Variants in YBX3 observed in about 807,000 individuals in gnomAD.
The protein encoded by YBX3 is Y-box-binding protein 3.
A neutral mutation model predicts 42.4 loss-of-function variants in YBX3; 29 were observed. The observed-to-expected ratio is 0.68, with a 90% CI of 0.51 to 0.93. The LOEUF is 0.93. Ranked by LOEUF, YBX3 falls within the 40% of genes least tolerant of loss-of-function variation. The pLI is 0.00. For missense variants in YBX3, 517 were observed against 527.5 expected (o/e 0.98, Z 0.19); for synonymous variants, 195 against 189.8 (o/e 1.03, Z -0.22).
intron 4 of YBX3, among the ~76,000 whole-genome samples, chr12:10,713,669 A>G (rs908562788): frequency 6.6e-6 from 1 of 152,238 alleles, no homozygotes; most frequent in East Asian, 1.9e-4. Flanking sequence ...ATATTCCTCA[A>G]TGGGAAAGAC....
chr12:10,710,059 G>A lies in YBX3; in HGVS notation c.629C>T (p.Pro210Leu). ...CCCAGAGAACTGCCTATCAGTGGCA[G>A]GGGGGTCAAATCCTTCACTGCTGCC... ...GSGSSEGFDP[P>L]ATDRQFSGAR... is the part of the protein sequence containing the mutation. The change falls in exon 6 of 10, where the codon CCT (proline) becomes CTT (leucine). Residue 210 changes from proline to leucine, a missense_variant. By Grantham distance (98) the Pro-to-Leu change is moderately conservative. This residue lies in a region of YBX3 where 420 missense variants were observed against 408.5 expected (regional missense o/e 1.03). Coordinates refer to ENST00000228251, the MANE Select transcript of YBX3 (RefSeq NM_003651.5). 1 of 1,614,018 alleles carries A rather than the reference G, an allele frequency of 6.2e-7. No homozygotes were observed. The highest frequency in any genetic ancestry group is 1.1e-5 in the South Asian group (1 of 91,056).
At chr12:10,713,426 G>T in intron 4 of YBX3, 93 bp from the exon 5 acceptor site, 1 of 1,404,438 alleles carries the variant, frequency 7.1e-7, no homozygotes, top group African/African-American at 1.4e-5. Context: ...AAGACTGGCA[G>T]AACATACTAA....
In YBX3 at chr12:10,699,790, G is replaced by C. The variant is rs140214620; in HGVS notation, c.*35-136C>G. 1.6e-3 allele frequency: 247 copies of C among 152,552 alleles called. 1 individual carries two copies. Among genetic ancestry groups the C allele is most frequent in the African/African-American group, 5.6e-3 (232 of 41,526 alleles). 9.4% of individuals were successfully genotyped at this position (152,552 alleles called of 1,614,324 possible). A position where few individuals can be genotyped will look rare whatever the true frequency, so the allele number is the denominator to read the frequency against. ...AATGCTCTAAATACAATCACATCTTGTATAGATCTGTAAGCTATATGTTAA... is the reference window on the plus strand; with the variant it reads ...AATGCTCTAAATACAATCACATCTTCTATAGATCTGTAAGCTATATGTTAA... On this transcript the variant is annotated intron_variant, in intron 9 of 9. Coordinates refer to ENST00000228251, the MANE Select transcript of YBX3 (RefSeq NM_003651.5).
chr12:10,715,615 A>AT (rs1948251842), intron 4 of YBX3, 79 bp downstream of exon 4: 1 of 1,297,532 alleles, frequency 7.7e-7, no homozygotes, highest in South Asian at 1.2e-5. Context: ...ATGTCAATTC[A>AT]TAAGGGGCTG....
intron 3 of YBX3, among the ~76,000 whole-genome samples, chr12:10,716,681 A>C (rs1276707366): frequency 6.6e-6 from 1 of 152,186 alleles, no homozygotes; most frequent in African/African-American, 2.4e-5. Flanking sequence ...AAAGCGATTA[A>C]GCATGTGTAA....
intron 1 of YBX3, among the ~76,000 whole-genome samples, chr12:10,721,411 CATT>C (rs1218723322): frequency 2.6e-5 from 4 of 152,194 alleles, no homozygotes; most frequent in Non-Finnish European, 5.9e-5. Flanking sequence ...AATAAGGTAT[CATT>C]AACAATGTTA....
chr12:10,711,718 T>C (rs940818275), intron 5 of YBX3: 4 of 152,242 alleles, frequency 2.6e-5, no homozygotes, highest in Admixed American at 6.5e-5. Flanking sequence ...AGCTCATTTA[T>C]GTATACTTTA....
chr12:10,703,825 T>G (rs1372235347), intron 7 of YBX3: 1 of 492,726 alleles, frequency 2.0e-6, no homozygotes, highest in East Asian at 3.4e-5. Context: ...TACATCTTAT[T>G]ATAATTCCAG....
At chr12:10,719,220 C>A in intron 1 of YBX3, 77 bp from the exon 2 acceptor site, 1 of 1,267,406 alleles carries the variant, frequency 7.9e-7, no homozygotes, top group Non-Finnish European at 1.1e-6. Context: ...ATCTTGATAA[C>A]ATTAGACAAA....
intron 2 of YBX3, among the ~76,000 whole-genome samples, chr12:10,718,587 C>T (rs1420425508): frequency 6.6e-6 from 1 of 152,050 alleles, no homozygotes; most frequent in Non-Finnish European, 1.5e-5. Context: ...AAGAAAATGC[C>T]GATATCATGT....
intron 5 of YBX3, chr12:10,711,476 G>A (rs1271746879): frequency 1.3e-5 from 2 of 152,056 alleles, no homozygotes; most frequent in African/African-American, 4.8e-5. Context: ...CTCTACCAAA[G>A]ATGAGATTCA....
At chr12:10,700,443 A>C (rs1242659655) in intron 9 of YBX3, among the ~76,000 whole-genome samples, 1 of 152,200 alleles carries the variant, frequency 6.6e-6, no homozygotes, top group Non-Finnish European at 1.5e-5. Flanking sequence ...CTAAAGTCTC[A>C]GTTAAAAGGG....
At chr12:10,715,996 T>G in intron 3 of YBX3, 1 of 529,828 alleles carries the variant, frequency 1.9e-6, no homozygotes. Flanking sequence ...GCTATTCATC[T>G]TGACAGGTGG....
chr12:10,723,140 C>A lies in YBX3; in HGVS notation c.-29G>T. The A allele has an allele frequency of 8.4e-7, 1 of 1,193,976 alleles. No homozygotes were observed. Among genetic ancestry groups the A allele is most frequent in the East Asian group, 3.5e-5 (1 of 28,268 alleles). The allele number at this position is 1,193,976 out of a possible 1,614,324, so 74.0% of individuals were successfully genotyped here. Reference sequence around the variant, plus strand: ...TCCTCCTCCTCTGCTCTCGCTCAGGCGCCTCGGTGGCGGTTGGTCGGCGGT... The same window carrying A: ...TCCTCCTCCTCTGCTCTCGCTCAGGAGCCTCGGTGGCGGTTGGTCGGCGGT... On this transcript the variant is annotated 5_prime_UTR_variant, in exon 1 of 10. Coordinates refer to ENST00000228251, the MANE Select transcript of YBX3 (RefSeq NM_003651.5).
chr12:10,721,564 C>G (rs1464053226), intron 1 of YBX3, among the ~76,000 whole-genome samples: 2 of 152,080 alleles, frequency 1.3e-5, no homozygotes, highest in African/African-American at 4.8e-5. Context: ...CAAAATCAGG[C>G]CTATTTTGTT....
chr12:10,719,271 A>G, intron 1 of YBX3, 128 bp from the exon 2 acceptor site: 1 of 746,568 alleles, frequency 1.3e-6, no homozygotes, highest in Admixed American at 3.1e-5. Context: ...GCTTAATTCC[A>G]AAATACTTTA....
intron 6 of YBX3, 49 bp downstream of exon 6, chr12:10,709,859 G>A (rs766772943): frequency 8.1e-6 from 13 of 1,603,750 alleles, no homozygotes; most frequent in Non-Finnish European, 1.1e-5. Context: ...AGGCAGAGAA[G>A]GACGGAAGGG....
intron 3 of YBX3, among the ~76,000 whole-genome samples, chr12:10,716,618 T>A (rs1296868730): frequency 1.3e-5 from 2 of 152,344 alleles, no homozygotes; most frequent in Non-Finnish European, 2.9e-5. Flanking sequence ...CTGGTATCTC[T>A]AAACAGTTAA....
chr12:10,702,917 A>AG (rs1948097640), intron 7 of YBX3: 1 of 152,192 alleles, frequency 6.6e-6, no homozygotes, highest in African/African-American at 2.4e-5. Context: ...GAAAACCAAG[A>AG]GGTTTACATG....
Sources: allele counts gnomAD v4.1 joint callset (sites outside exome capture counted in the v4.1 genomes callset), GRCh38; gene constraint gnomAD v4.1.1; regional missense constraint gnomAD v4.1.1; transcripts MANE v1.5; gene names NCBI Gene and HGNC (gene_info 2026-07-23, HGNC 2026-07-21).